Variants in KCNJ6 observed in about 807,000 individuals in gnomAD.
KCNJ6 encodes potassium inwardly rectifying channel subfamily J member 6.
In KCNJ6, 9 loss-of-function variants were observed where a neutral mutation model predicts 34.2. The observed-to-expected ratio is 0.26, with a 90% CI of 0.16 to 0.46. The LOEUF is 0.46. Ranked by LOEUF, KCNJ6 falls within the 20% of genes least tolerant of loss-of-function variation. KCNJ6 has a pLI of 1.00. For synonymous variants in KCNJ6, 196 were observed against 207.1 expected, an observed-to-expected ratio of 0.95 and a Z score of 0.46; for missense variants, 236 against 531.3, an observed-to-expected ratio of 0.44 and a Z score of 5.46.
At chr21:37,902,767 G>C (rs568219306) in intron 1 of KCNJ6, among the ~76,000 whole-genome samples, 185 of 152,260 alleles carry the variant, frequency 1.2e-3, no homozygotes, top group Non-Finnish European at 1.7e-3. Flanking sequence ...AAAAGCTCAA[G>C]CCTGAGAACA....
At position 37,751,597 on chromosome 21, in the gene KCNJ6, G is replaced by A. The variant is rs141570181; in HGVS notation, c.26-36466C>T. On this transcript the variant is annotated intron_variant, in intron 2 of 3. Coordinates refer to ENST00000609713, the MANE Select transcript of KCNJ6 (RefSeq NM_002240.5). ...AGGCTGTAAGAAACTCAGTTGTCCCGGGATGCTCCAACTCTGAGGGTGAGT... is the reference window on the plus strand; with the variant it reads ...AGGCTGTAAGAAACTCAGTTGTCCCAGGATGCTCCAACTCTGAGGGTGAGT... Among the ~76,000 whole-genome samples the A allele has an allele frequency of 2.1e-3, 323 of 152,328 alleles. 2 individuals carry two copies. Among genetic ancestry groups the A allele is most frequent in the African/African-American group, 7.4e-3 (309 of 41,552 alleles).
intron 1 of KCNJ6, among the ~76,000 whole-genome samples, chr21:37,879,770 A>C (rs1429338097): frequency 6.6e-6 from 1 of 151,760 alleles, no homozygotes; most frequent in Admixed American, 6.6e-5. Context: ...AGAGAGAGAG[A>C]GAGACAGAGA....
chr21:37,827,531 T>TC (rs993508875), intron 2 of KCNJ6, among the ~76,000 whole-genome samples: 4 of 152,012 alleles, frequency 2.6e-5, no homozygotes, highest in Non-Finnish European at 4.4e-5. Flanking sequence ...TTGGGTTTTT[T>TC]TTTTAACCTC....
At chr21:37,722,761 C>A (rs1270331927) in intron 2 of KCNJ6, among the ~76,000 whole-genome samples, 1 of 152,196 alleles carries the variant, frequency 6.6e-6, no homozygotes, top group African/African-American at 2.4e-5. Context: ...CAATCCCTAC[C>A]TTTCACCATA....
chr21:37,740,466 A>G (rs2054935646), intron 2 of KCNJ6, among the ~76,000 whole-genome samples: 1 of 152,188 alleles, frequency 6.6e-6, no homozygotes, highest in Non-Finnish European at 1.5e-5. Context: ...GTCGACTAGA[A>G]AACATTCTAA....
At chr21:37,776,939 G>A (rs1344842005) in intron 2 of KCNJ6, among the ~76,000 whole-genome samples, 5 of 152,246 alleles carry the variant, frequency 3.3e-5, no homozygotes, top group South Asian at 2.1e-4. Context: ...GCTCCTCCTC[G>A]TACCTCTGGT....
chr21:37,812,748 A>G (rs1273481921), intron 2 of KCNJ6, among the ~76,000 whole-genome samples: 1 of 152,232 alleles, frequency 6.6e-6, no homozygotes, highest in Non-Finnish European at 1.5e-5. Context: ...AAAACTGAGT[A>G]TAGAAGAAAT....
intron 2 of KCNJ6, among the ~76,000 whole-genome samples, chr21:37,756,550 A>C (rs2055026101): frequency 6.6e-6 from 1 of 152,224 alleles, no homozygotes. Context: ...CCTGCTTTGC[A>C]ACTGTGAACC....
intron 3 of KCNJ6, among the ~76,000 whole-genome samples, chr21:37,692,790 T>A (rs1285604913): frequency 4.6e-5 from 7 of 152,232 alleles, no homozygotes; most frequent in Non-Finnish European, 1.0e-4. Flanking sequence ...CTCAGCGATC[T>A]GCCAAGGAAC....
rs567363515 is a variant in KCNJ6, at chr21:37,638,234, C to T, written c.947-12750G>A. On this transcript the variant is annotated intron_variant, in intron 3 of 3. Transcript: ENST00000609713. The stretch of plus-strand genomic sequence containing the variant: ...TGATCTCAGCTCACTGTAGCCTCTG[C>T]CTCCTGGGTTCAAGTGATTCTCCTG... Among the ~76,000 whole-genome samples, 263 of 152,296 alleles carry T rather than the reference C, an allele frequency of 1.7e-3. 1 individual carries two copies. Among genetic ancestry groups the T allele is most frequent in the African/African-American group, 6.1e-3 (255 of 41,558 alleles).
rs148157747 is a variant in KCNJ6, at chr21:37,742,249, A to G, written c.26-27118T>C. ...CAGAAGTTATTGTTTAGCTTTCTGGAGTGTCACTGGTTTCTTGCAAGGCTG... is the reference window on the plus strand; with the variant it reads ...CAGAAGTTATTGTTTAGCTTTCTGGGGTGTCACTGGTTTCTTGCAAGGCTG... On this transcript the variant is annotated intron_variant, in intron 2 of 3. Transcript: ENST00000609713. Among the ~76,000 whole-genome samples the G allele has an allele frequency of 5.1e-3, 783 of 152,300 alleles. 5 individuals are homozygous for G. Among genetic ancestry groups the G allele is most frequent in the African/African-American group, 0.017 (692 of 41,552 alleles).
intron 3 of KCNJ6, among the ~76,000 whole-genome samples, chr21:37,656,544 C>T (rs2054464974): frequency 6.6e-6 from 1 of 152,224 alleles, no homozygotes; most frequent in South Asian, 2.1e-4. Context: ...AGCAGCCTCC[C>T]TTGCCCGCTC....
intron 3 of KCNJ6, among the ~76,000 whole-genome samples, chr21:37,637,739 T>C (rs558864718): frequency 9.2e-5 from 14 of 152,256 alleles, no homozygotes; most frequent in African/African-American, 1.9e-4. Flanking sequence ...GAACTGGCCT[T>C]AGGGAGATAA....
At chr21:37,909,216 G>A (rs1479887223) in intron 1 of KCNJ6, among the ~76,000 whole-genome samples, 1 of 152,158 alleles carries the variant, frequency 6.6e-6, no homozygotes, top group Non-Finnish European at 1.5e-5. Flanking sequence ...TTAAATTAGT[G>A]AGATTTAGAT....
intron 3 of KCNJ6, among the ~76,000 whole-genome samples, chr21:37,647,588 A>C (rs1003847100): frequency 1.3e-5 from 2 of 151,884 alleles, no homozygotes; most frequent in African/African-American, 4.8e-5. Context: ...GCCATGATCC[A>C]CTCACCTTAA....
intron 1 of KCNJ6, among the ~76,000 whole-genome samples, chr21:37,846,122 C>A (rs2055506070): frequency 6.6e-6 from 1 of 152,120 alleles, no homozygotes; most frequent in Non-Finnish European, 1.5e-5. Flanking sequence ...TCTGTCTGAA[C>A]TTTATTCCCT....
chr21:37,739,068 C>T (rs1173613217), intron 2 of KCNJ6, among the ~76,000 whole-genome samples: 1 of 152,084 alleles, frequency 6.6e-6, no homozygotes, highest in Non-Finnish European at 1.5e-5. Flanking sequence ...TTTGCCTGGT[C>T]TGAATAGAGA....
At chr21:37,809,183 T>C (rs2123540187) in intron 2 of KCNJ6, among the ~76,000 whole-genome samples, 1 of 152,310 alleles carries the variant, frequency 6.6e-6, no homozygotes, top group Non-Finnish European at 1.5e-5. Flanking sequence ...CCCCATGGAA[T>C]ACTATGCAGC....
intron 3 of KCNJ6, among the ~76,000 whole-genome samples, chr21:37,663,970 C>G (rs1273823145): frequency 1.3e-5 from 2 of 152,168 alleles, no homozygotes; most frequent in East Asian, 3.8e-4. Context: ...ACAACGTTAG[C>G]AAGTAAGTCT....
Sources: allele counts gnomAD v4.1 joint callset (sites outside exome capture counted in the v4.1 genomes callset), GRCh38; gene constraint gnomAD v4.1.1; transcripts MANE v1.5; gene names NCBI Gene and HGNC (gene_info 2026-07-23, HGNC 2026-07-21).